Variants in CDYL2 observed in about 807,000 individuals in gnomAD.
The protein encoded by CDYL2 is chromodomain Y like 2.
In CDYL2, 23 loss-of-function variants were observed where a neutral mutation model predicts 49.4. That is an observed-to-expected ratio of 0.47 (90% CI 0.34 to 0.66). The LOEUF (loss-of-function observed/expected upper bound fraction) is 0.66, where lower values mean the gene tolerates loss of function less well. CDYL2 is among the 30% of genes least tolerant of loss of function. The pLI, the probability that CDYL2 is intolerant of heterozygous loss-of-function variation, is 0.01. For synonymous variants in CDYL2, 360 were observed against 268.8 expected (o/e 1.34, Z -3.32); for missense variants, 678 against 656.4 (o/e 1.03, Z -0.36).
chr16:80,720,251 C>T (rs921681760), intron 1 of CDYL2, among the ~76,000 whole-genome samples: 1 of 152,102 alleles, frequency 6.6e-6, no homozygotes, highest in Admixed American at 6.5e-5. Flanking sequence ...GCCTGGATTC[C>T]GTGCTGAATC....
intron 1 of CDYL2, among the ~76,000 whole-genome samples, chr16:80,741,658 C>A (rs1347975070): frequency 1.3e-5 from 2 of 151,930 alleles, no homozygotes; most frequent in Non-Finnish European, 2.9e-5. Flanking sequence ...TTTAAACAAA[C>A]AACAGATATT....
intron 2 of CDYL2, among the ~76,000 whole-genome samples, chr16:80,683,365 C>A (rs966849793): frequency 3.9e-5 from 6 of 152,214 alleles, no homozygotes; most frequent in African/African-American, 1.4e-4. Context: ...AAGCAGCTAA[C>A]CTGAAAGACT....
At chr16:80,794,210 A>G (rs1485074802) in intron 1 of CDYL2, among the ~76,000 whole-genome samples, 1 of 152,218 alleles carries the variant, frequency 6.6e-6, no homozygotes, top group Non-Finnish European at 1.5e-5. Flanking sequence ...ATAATGATAC[A>G]AAGTGTTACA....
At chr16:80,644,694 T>G (rs1908256055) in intron 2 of CDYL2, among the ~76,000 whole-genome samples, 1 of 152,158 alleles carries the variant, frequency 6.6e-6, no homozygotes, top group Non-Finnish European at 1.5e-5. Context: ...ATGAGAACAG[T>G]ATGGGGGAAA....
intron 1 of CDYL2, among the ~76,000 whole-genome samples, chr16:80,786,836 C>T (rs921752211): frequency 3.3e-5 from 5 of 151,884 alleles, no homozygotes; most frequent in East Asian, 1.9e-4. Flanking sequence ...AACCAAACAC[C>T]GCATGTTCTC....
At chr16:80,795,845 G>A (rs1042769236) in intron 1 of CDYL2, among the ~76,000 whole-genome samples, 9 of 152,144 alleles carry the variant, frequency 5.9e-5, no homozygotes, top group Admixed American at 5.2e-4. Context: ...GTGAGATGAT[G>A]TGAGCTACTG....
chr16:80,743,781 C>A (rs1165072049), intron 1 of CDYL2, among the ~76,000 whole-genome samples: 1 of 151,602 alleles, frequency 6.6e-6, no homozygotes, highest in Non-Finnish European at 1.5e-5. Flanking sequence ...TTAATTTAAC[C>A]CCTTCAAAAT....
At chr16:80,640,587 T>G (rs972151321) in intron 2 of CDYL2, among the ~76,000 whole-genome samples, 1 of 151,968 alleles carries the variant, frequency 6.6e-6, no homozygotes, top group South Asian at 2.1e-4. Flanking sequence ...CAGGAAAACA[T>G]GACCTCACCA....
chr16:80,640,603 G>C (rs891613039), intron 2 of CDYL2, among the ~76,000 whole-genome samples: 2 of 152,036 alleles, frequency 1.3e-5, no homozygotes, highest in Non-Finnish European at 2.9e-5. Flanking sequence ...CACCAAATAA[G>C]GCACCAGGTA....
chr16:80,657,378 C>A (rs1426787537), intron 2 of CDYL2, among the ~76,000 whole-genome samples: 4 of 152,080 alleles, frequency 2.6e-5, no homozygotes, highest in Non-Finnish European at 5.9e-5. Context: ...AGTTGTGTAT[C>A]ACAGATAAAA....
At chr16:80,753,396 G>A (rs1906201618) in intron 1 of CDYL2, among the ~76,000 whole-genome samples, 1 of 152,060 alleles carries the variant, frequency 6.6e-6, no homozygotes, top group East Asian at 1.9e-4. Flanking sequence ...ATCACCTGAA[G>A]TCGGGAGTTC....
chr16:80,628,881 A>G (rs912415567), intron 3 of CDYL2, among the ~76,000 whole-genome samples: 6 of 152,228 alleles, frequency 3.9e-5, no homozygotes, highest in African/African-American at 1.2e-4. Context: ...TCACCCCACA[A>G]ATACATGTAG....
chr16:80,635,829 G>T (rs1907796207), intron 2 of CDYL2, among the ~76,000 whole-genome samples: 1 of 152,172 alleles, frequency 6.6e-6, no homozygotes, highest in African/African-American at 2.4e-5. Flanking sequence ...CAAAGCTACA[G>T]TAACCAAAAC....
chr16:80,666,269 G>C (rs867113823), intron 2 of CDYL2, among the ~76,000 whole-genome samples: 4 of 152,174 alleles, frequency 2.6e-5, no homozygotes, highest in Admixed American at 6.5e-5. Context: ...TGCAAAATGA[G>C]AGCAATTTTA....
chr16:80,696,465 G>C (rs1380019318), intron 1 of CDYL2, among the ~76,000 whole-genome samples: 2 of 151,648 alleles, frequency 1.3e-5, no homozygotes, highest in African/African-American at 4.8e-5. Context: ...CAAACCATTA[G>C]CTAGACTAAG....
intron 2 of CDYL2, among the ~76,000 whole-genome samples, chr16:80,672,533 GGAAAAGGAAA>G (rs1909563988): frequency 9.5e-6 from 1 of 105,046 alleles, no homozygotes; most frequent in Non-Finnish European, 1.8e-5. Flanking sequence ...CAAAGGAAAA[GGAAAAGGAAA>G]GGAAAGGAAA....
chr16:80,784,607 C>G (rs749557515), intron 1 of CDYL2, among the ~76,000 whole-genome samples: 6 of 152,036 alleles, frequency 3.9e-5, no homozygotes, highest in Non-Finnish European at 8.8e-5. Flanking sequence ...TGATGTTTAA[C>G]CTGAAGGAAA....
At chr16:80,702,183 AACACACACACAC>A (rs35071485) in intron 1 of CDYL2, among the ~76,000 whole-genome samples, 2 of 142,768 alleles carry the variant, frequency 1.4e-5, no homozygotes, top group Non-Finnish European at 3.1e-5. Context: ...GAAGGCCTAA[AACACACACACAC>A]ACACACACAC....
chr16:80,745,733 C>T (rs923219067), intron 1 of CDYL2, among the ~76,000 whole-genome samples: 1 of 152,138 alleles, frequency 6.6e-6, no homozygotes, highest in Non-Finnish European at 1.5e-5. Context: ...AGCAAAATAC[C>T]ACAATGATAG....
Sources: allele counts gnomAD v4.1 joint callset (sites outside exome capture counted in the v4.1 genomes callset), GRCh38; gene constraint gnomAD v4.1.1; transcripts MANE v1.5; gene names NCBI Gene and HGNC (gene_info 2026-07-23, HGNC 2026-07-21).